The following NFIB variants were observed in gnomAD, a reference collection of about 807,000 sequenced individuals.
The protein encoded by NFIB is nuclear factor I B.
A neutral mutation model predicts 61.5 loss-of-function variants in NFIB; 11 were observed. The observed-to-expected ratio is 0.18, with a 90% CI of 0.11 to 0.30. The LOEUF (loss-of-function observed/expected upper bound fraction) is 0.30, where lower values mean the gene tolerates loss of function less well. NFIB is among the 10% of genes least tolerant of loss of function. NFIB has a pLI of 1.00. For synonymous variants in NFIB, 260 were observed against 216.5 expected (o/e 1.20, Z -1.76); for missense variants, 471 against 608.9 (o/e 0.77, Z 2.38).
chr9:14,444,704 T>C, the NFIB span, among the ~76,000 whole-genome samples: 17 of 152,222 alleles, frequency 1.1e-4, no homozygotes, highest in African/African-American at 3.9e-4. Context: ...CCCCGTTTAC[T>C]CTTTGACTTT....
At chr9:14,450,902 G>A in the NFIB span, among the ~76,000 whole-genome samples, 14 of 152,340 alleles carry the variant, frequency 9.2e-5, no homozygotes, top group African/African-American at 2.9e-4. Flanking sequence ...AGTGCCAGCC[G>A]TGTGATTTAC....
rs1221304732 is a variant in NFIB at position 14,395,837 on chromosome 9, T to C, written c.108+2687A>G. 4.8e-5 allele frequency among the ~76,000 whole-genome samples: 7 copies of C among 145,602 alleles called. No homozygotes were observed. In the South Asian group the frequency reaches 1.2e-3, roughly 24 times the overall value. ...TTGCTTCTGGTGTCCCATCTGTTCC[T>C]GCAGGCCTTGCCTCAGTGCGGGTGA... On this transcript the variant is annotated intron_variant, in intron 1 of 8. Transcript: ENST00000380934.
At chr9:14,467,984 CT>C in the NFIB span, among the ~76,000 whole-genome samples, 1 of 152,210 alleles carries the variant, frequency 6.6e-6, no homozygotes, top group Non-Finnish European at 1.5e-5. Flanking sequence ...GACTTTAATC[CT>C]GTGGAGATGT....
At chr9:14,298,643 C>G (rs570676557) in intron 2 of NFIB, among the ~76,000 whole-genome samples, 1 of 152,126 alleles carries the variant, frequency 6.6e-6, no homozygotes, top group African/African-American at 2.4e-5. Context: ...CTACTGCAGA[C>G]GGACGCCTTG....
Position 14,307,356 on chromosome 9 carries a change from C to T in NFIB, c.195G>A (p.Lys65=), listed in dbSNP as rs77607361. ...RAVKDELLSE[K]PEIKQKWASR... is the part of the protein sequence containing the mutation. The stretch of plus-strand genomic sequence containing the variant: ...ATGCCCACTTCTGTTTGATTTCAGG[C>T]TTTTCACTGAGAAGCTCATCTTTGA... The change falls in exon 2 of 11, where the codon AAG becomes AAA. Residue 65 remains lysine, a synonymous_variant. Coordinates refer to ENST00000380953, the MANE Select transcript of NFIB (RefSeq NM_001190737.2). The surrounding 1 kb of genome is among the most constrained non-coding windows in gnomAD (Gnocchi z 5.3). The T allele has an allele frequency of 9.3e-5, 150 of 1,614,018 alleles. 1 individual carries two copies. In the East Asian group the frequency reaches 3.2e-3, roughly 35 times the overall value.
chr9:14,517,947 C>T, the NFIB span, among the ~76,000 whole-genome samples: 4 of 152,124 alleles, frequency 2.6e-5, no homozygotes, highest in Admixed American at 1.3e-4. Context: ...TATGTAGCTC[C>T]AAGTCAGGCA....
At chr9:14,388,003 T>G (rs1444751672) in intron 1 of NFIB, among the ~76,000 whole-genome samples, 1 of 152,156 alleles carries the variant, frequency 6.6e-6, no homozygotes, top group Non-Finnish European at 1.5e-5. Flanking sequence ...AGCTCTGCCC[T>G]AGAGAAGCTT....
intron 2 of NFIB, among the ~76,000 whole-genome samples, chr9:14,298,420 C>A (rs1200657029): frequency 6.6e-6 from 1 of 152,012 alleles, no homozygotes; most frequent in Non-Finnish European, 1.5e-5. Flanking sequence ...GAAAAGTCAA[C>A]CTCAGACGAG....
intron 2 of NFIB, among the ~76,000 whole-genome samples, chr9:14,264,882 A>G (rs1220848379): frequency 2.0e-5 from 3 of 151,752 alleles, no homozygotes; most frequent in East Asian, 3.9e-4. Flanking sequence ...TAACTTTAGG[A>G]TAAGTTAGGT....
chr9:14,351,190 CT>C (rs1007054997), intron 1 of NFIB, among the ~76,000 whole-genome samples: 12 of 152,194 alleles, frequency 7.9e-5, no homozygotes, highest in South Asian at 6.2e-4. Context: ...AGTCTCCCCA[CT>C]TTTTTTGGTT....
At chr9:14,325,434 T>G (rs1390380786) in intron 1 of NFIB, among the ~76,000 whole-genome samples, 1 of 152,164 alleles carries the variant, frequency 6.6e-6, no homozygotes, top group Non-Finnish European at 1.5e-5. Context: ...AATTAAGAAT[T>G]TTAAAAATGT....
chr9:14,219,652 T>C (rs1044512611), intron 2 of NFIB, among the ~76,000 whole-genome samples: 6 of 152,180 alleles, frequency 3.9e-5, no homozygotes, highest in African/African-American at 1.4e-4. Context: ...TTTTGTTTCT[T>C]TTACTAAATG....
At chr9:14,196,859 T>A (rs538744378) in intron 2 of NFIB, among the ~76,000 whole-genome samples, 1 of 152,200 alleles carries the variant, frequency 6.6e-6, no homozygotes, top group Non-Finnish European at 1.5e-5. Flanking sequence ...TGTTCAAAAT[T>A]TGTTGTCAAA....
At chr9:14,242,215 T>C (rs2181403) in intron 2 of NFIB, among the ~76,000 whole-genome samples, 6,882 of 152,284 alleles carry the variant, frequency 0.045, 174 homozygotes, top group Middle Eastern at 0.086. Context: ...TATCTGCACA[T>C]TGAAAGAATT....
the NFIB span, among the ~76,000 whole-genome samples, chr9:14,492,003 G>A: frequency 6.6e-6 from 1 of 152,142 alleles, no homozygotes; most frequent in African/African-American, 2.4e-5. Flanking sequence ...CCCTGACAAT[G>A]CTGTGAGGGA....
At chr9:14,450,629 A>G in the NFIB span, among the ~76,000 whole-genome samples, 2 of 152,096 alleles carry the variant, frequency 1.3e-5, no homozygotes. Flanking sequence ...CTCCCTTTAA[A>G]TCAGATGTTA....
the NFIB span, among the ~76,000 whole-genome samples, chr9:14,490,546 CACTT>C: frequency 6.6e-6 from 1 of 152,058 alleles, no homozygotes; most frequent in Admixed American, 6.6e-5. Context: ...GACATTGTAA[CACTT>C]ACAGTTGACA....
At chr9:14,396,848 G>A (rs10481502) in intron 1 of NFIB, among the ~76,000 whole-genome samples, 5 of 152,246 alleles carry the variant, frequency 3.3e-5, no homozygotes, top group South Asian at 4.2e-4. Context: ...TGAATCTAAG[G>A]TGCCTGTGGT....
In NFIB at chr9:14,120,526, T is replaced by C; in HGVS notation, c.1159A>G (p.Ile387Val). The change falls in exon 8 of 11, where the codon ATC becomes GTC. Residue 387 changes from isoleucine to valine, a missense_variant. Physicochemically the swap from Ile to Val is conservative, Grantham distance 29 (BLOSUM62 3). This residue lies in a region of NFIB where 372 missense variants were observed against 395.6 expected (regional missense o/e 0.94). Transcript: ENST00000380953. The surrounding 1 kb of genome is among the most constrained non-coding windows in gnomAD (Gnocchi z 4.4). ...GGATTCAGGTGGGGAGGATATCTGA[T>C]TGTTGGATGAGAAAAGTAGCTCGAT... is the stretch of plus-strand genomic sequence containing the variant. The part of the protein sequence containing the change: ...APSSYFSHPT[I>V]RYPPHLNPQD... 6.2e-7 allele frequency: 1 copy of C among 1,614,084 alleles called. No homozygotes were observed. Among genetic ancestry groups the C allele is most frequent in the Non-Finnish European group, 8.5e-7 (1 of 1,180,010 alleles).
Sources: gnomAD v4.1 joint callset for allele counts (sites outside exome capture counted in the v4.1 genomes callset) on GRCh38, gnomAD v4.1.1 for gene constraint, gnomAD v4.1.1 regional missense constraint, Gnocchi (gnomAD v3.1) non-coding constraint, MANE v1.5 for transcripts, NCBI Gene and HGNC (gene_info 2026-07-23, HGNC 2026-07-21) for gene names.